Variants in UBR3 observed in about 807,000 individuals in gnomAD.
UBR3 encodes the protein ubiquitin protein ligase E3 component n-recognin 3, also known as E3 ubiquitin-protein ligase UBR3.
Under a neutral mutation model 243.2 loss-of-function variants are expected in UBR3, and 85 were observed. The observed-to-expected ratio is 0.35, with a 90% CI of 0.29 to 0.42. The LOEUF (loss-of-function observed/expected upper bound fraction) is 0.42, where lower values mean the gene tolerates loss of function less well. Ranked by LOEUF, UBR3 falls within the 10% of genes least tolerant of loss-of-function variation. The probability of loss-of-function intolerance (pLI) is 1.00; values close to 1 mark genes in which losing one functional copy is unlikely to be tolerated. For synonymous variants in UBR3, 748 were observed against 799.8 expected (o/e 0.94, Z 1.09); for missense variants, 1,686 against 2,300.8 (o/e 0.73, Z 5.47).
chr2:169,999,615 C>G (rs2089618750), intron 26 of UBR3, among the ~76,000 whole-genome samples: 1 of 152,206 alleles, frequency 6.6e-6, no homozygotes, highest in South Asian at 2.1e-4. Context: ...TCATATTGCT[C>G]TGGCCCACCC....
At chr2:169,882,178 A>G (rs1232807096) in intron 5 of UBR3, among the ~76,000 whole-genome samples, 4 of 130,804 alleles carry the variant, frequency 3.1e-5, no homozygotes, top group Non-Finnish European at 4.6e-5. Context: ...TTTATATGTA[A>G]TATGCATGTG....
chr2:169,979,797 G>C (rs372548362), intron 24 of UBR3, among the ~76,000 whole-genome samples: 1 of 152,276 alleles, frequency 6.6e-6, no homozygotes, highest in African/African-American at 2.4e-5. Context: ...AAATTATTCT[G>C]TGTGACACAG....
At chr2:169,990,107 G>T (rs2089205531) in intron 25 of UBR3, among the ~76,000 whole-genome samples, 1 of 152,112 alleles carries the variant, frequency 6.6e-6, no homozygotes, top group Non-Finnish European at 1.5e-5. Flanking sequence ...AGTGTTCACT[G>T]ATACTTTATT....
chr2:169,842,794 G>T (rs536125415), intron 1 of UBR3, among the ~76,000 whole-genome samples: 4 of 152,336 alleles, frequency 2.6e-5, no homozygotes, highest in African/African-American at 9.6e-5. Context: ...GTAACACCGC[G>T]AGGGTCCGCG....
intron 3 of UBR3, 138 bp downstream of exon 3, chr2:169,876,087 T>TTC: frequency 1.7e-6 from 1 of 600,476 alleles, no homozygotes; most frequent in South Asian, 5.4e-5. Flanking sequence ...AGAACTTCTT[T>TTC]TTTTTTTTTT....
At chr2:169,885,115 T>G (rs62170281) in intron 5 of UBR3, among the ~76,000 whole-genome samples, 17,682 of 152,264 alleles carry the variant, frequency 0.12, 1,403 homozygotes, top group Non-Finnish European at 0.16. Context: ...GAGCTAGGTA[T>G]GGCTTCAGGA....
chr2:169,957,702 A>G (rs1477128853), intron 23 of UBR3, among the ~76,000 whole-genome samples: 1 of 152,192 alleles, frequency 6.6e-6, no homozygotes, highest in Non-Finnish European at 1.5e-5. Flanking sequence ...CCTAGAACTT[A>G]AAGTATAATA....
chr2:169,926,983 T>G lies in UBR3; in HGVS notation c.2338+12T>G. ...TCGTTTACATTTAGGTAAAACTCAC[T>G]GATACTAATACTTATGCATTAACTG... On this transcript the variant is annotated intron_variant, in intron 16 of 38. Coordinates refer to ENST00000272793, the MANE Select transcript of UBR3 (RefSeq NM_172070.4). The G allele has an allele frequency of 1.3e-6, 2 of 1,549,376 alleles. No individual in the cohort carries two copies. Among genetic ancestry groups the G allele is most frequent in the Non-Finnish European group, 1.7e-6 (2 of 1,145,762 alleles).
At chr2:170,051,297 A>C (rs1007099966) in intron 32 of UBR3, among the ~76,000 whole-genome samples, 1 of 152,140 alleles carries the variant, frequency 6.6e-6, no homozygotes, top group African/African-American at 2.4e-5. Context: ...AGCTAAAACT[A>C]TAGTGGCTAT....
intron 29 of UBR3, among the ~76,000 whole-genome samples, chr2:170,010,940 A>G (rs775261945): frequency 4.5e-4 from 68 of 152,150 alleles, no homozygotes; most frequent in Admixed American, 1.7e-3. Context: ...AGGCAGGAGG[A>G]TTGCTTGAGA....
At chr2:170,061,511 A>G in intron 35 of UBR3, 68 bp downstream of exon 35, 1 of 1,574,878 alleles carries the variant, frequency 6.3e-7, no homozygotes. Context: ...TCTGTTGCCC[A>G]GACTGGAGTG....
intron 22 of UBR3, among the ~76,000 whole-genome samples, chr2:169,948,349 T>C (rs2086868304): frequency 6.6e-6 from 1 of 152,044 alleles, no homozygotes; most frequent in Non-Finnish European, 1.5e-5. Flanking sequence ...TTTTTGCTTC[T>C]ATGGCAATTA....
intron 1 of UBR3, among the ~76,000 whole-genome samples, chr2:169,853,364 GTTCT>G (rs2082729427): frequency 6.6e-6 from 1 of 152,096 alleles, no homozygotes; most frequent in Admixed American, 6.5e-5. Context: ...AGATGTATAG[GTTCT>G]TTCTTATAAT....
At position 170,061,553 on chromosome 2, in the gene UBR3, C is replaced by G. The variant is rs181477956; in HGVS notation, c.5019+110C>G. The G allele has an allele frequency of 3.3e-3, 4,521 of 1,353,800 alleles. 14 individuals are homozygous for G. The highest frequency in any genetic ancestry group is 4.0e-3 in the Non-Finnish European group (3,933 of 991,418). The allele number at this position is 1,353,800 out of a possible 1,614,324, so 83.9% of individuals were successfully genotyped here. A position where few individuals can be genotyped will look rare whatever the true frequency, so the allele number is the denominator to read the frequency against. On this transcript the variant is annotated intron_variant, in intron 35 of 38. Coordinates refer to ENST00000272793, the MANE Select transcript of UBR3 (RefSeq NM_172070.4). ...CACAATCTCGGCTTACTGCAACCTCCGCCTGCCAGGTTCAAGCAATCCTCC... is the reference window on the plus strand; with the variant it reads ...CACAATCTCGGCTTACTGCAACCTCGGCCTGCCAGGTTCAAGCAATCCTCC...
chr2:169,994,535 C>A, intron 26 of UBR3, 79 bp downstream of exon 26: 6 of 1,459,096 alleles, frequency 4.1e-6, no homozygotes, highest in East Asian at 2.3e-5. Flanking sequence ...ATGTCTTTTA[C>A]CAAAATGGCA....
chr2:169,846,192 TTC>T lies in UBR3; in HGVS notation c.545+18141_545+18142del. Reference sequence around the variant, plus strand: ...AATATAACCGTGGATTTGTCTCTATTTCCTTGAAGTTGTCAATTTTTGCTGCT... The same window carrying T: ...AATATAACCGTGGATTTGTCTCTATTCTTGAAGTTGTCAATTTTTGCTGCT... On this transcript the variant is annotated intron_variant, in intron 1 of 38. Transcript: ENST00000272793. Among the ~76,000 whole-genome samples the T allele has an allele frequency of 1.3e-5, 2 of 152,224 alleles. 1 individual carries two copies. The highest frequency in any genetic ancestry group is 4.8e-5 in the African/African-American group (2 of 41,462).
chr2:170,057,908 A>G (rs527776924), intron 33 of UBR3, among the ~76,000 whole-genome samples: 27 of 152,260 alleles, frequency 1.8e-4, no homozygotes, highest in African/African-American at 6.0e-4. Flanking sequence ...AGCTTTTTCT[A>G]TAATAGACAT....
At chr2:170,040,853 T>C in intron 31 of UBR3, 29 bp from the exon 32 acceptor site, 10 of 1,515,636 alleles carry the variant, frequency 6.6e-6, no homozygotes, top group Non-Finnish European at 9.2e-6. Context: ...TATACAATAC[T>C]ATGTAAAGTG....
intron 1 of UBR3, among the ~76,000 whole-genome samples, chr2:169,860,625 A>G (rs759359389): frequency 1.3e-5 from 2 of 151,884 alleles, no homozygotes; most frequent in African/African-American, 2.4e-5. Context: ...TTATTGACTG[A>G]CTTGAGCATC....
Sources: gnomAD v4.1 joint callset for allele counts (sites outside exome capture counted in the v4.1 genomes callset) on GRCh38, gnomAD v4.1.1 for gene constraint, MANE v1.5 for transcripts, NCBI Gene and HGNC (gene_info 2026-07-23, HGNC 2026-07-21) for gene names.